Variants in ETNK2 observed in about 807,000 individuals in gnomAD.
ETNK2 encodes ethanolamine kinase 2, also known as ethanolamine kinase-like protein.
In ETNK2, 33 loss-of-function variants were observed where a neutral mutation model predicts 46.2. The ratio of observed to expected loss-of-function variants is 0.71; its 90% CI spans 0.54 to 0.96. ETNK2 has a LOEUF of 0.96. Ranked by LOEUF, ETNK2 falls within the 40% of genes least tolerant of loss-of-function variation. The probability of loss-of-function intolerance (pLI) is 0.00; values close to 1 mark genes in which losing one functional copy is unlikely to be tolerated. For missense variants in ETNK2, 445 were observed against 509.7 expected (o/e 0.87, Z 1.22); for synonymous variants, 194 against 209.0 (o/e 0.93, Z 0.62).
intron 2 of ETNK2, chr1:204,147,566 C>T (rs143631319): frequency 1.3e-5 from 7 of 532,570 alleles, no homozygotes; most frequent in African/African-American, 3.8e-5. Flanking sequence ...GTCCCACCCC[C>T]CAACCGTCTG....
chr1:204,135,676 A>T (rs6679960), intron 6 of ETNK2, among the ~76,000 whole-genome samples: 22,752 of 152,242 alleles, frequency 0.15, 2,045 homozygotes, highest in African/African-American at 0.25. Context: ...TCACTAAAAA[A>T]CTTAGCAAGA....
intron 6 of ETNK2, 123 bp downstream of exon 6, chr1:204,136,981 C>G: frequency 7.4e-7 from 1 of 1,352,616 alleles, no homozygotes; most frequent in Non-Finnish European, 1.0e-6. Context: ...GGGTCAGGAG[C>G]CAGGGATGGG....
At chr1:204,132,376 A>AC (rs1657109945) in intron 7 of ETNK2, 120 bp from the exon 8 acceptor site, 1 of 715,946 alleles carries the variant, frequency 1.4e-6, no homozygotes, top group East Asian at 2.7e-5. Context: ...GTCTGAGCAG[A>AC]TCAACCCCAA....
Position 204,147,257 on chromosome 1 carries a change from A to T in ETNK2, c.519-493T>A, listed in dbSNP as rs140015318. ...ATGCCCGCCTCTTATCAGCCTGGCCAAGGTGGGGAGGGAAACAGGCTGGCC... is the reference window on the plus strand; with the variant it reads ...ATGCCCGCCTCTTATCAGCCTGGCCTAGGTGGGGAGGGAAACAGGCTGGCC... On this transcript the variant is annotated intron_variant, in intron 2 of 7. Coordinates refer to ENST00000367202, the MANE Select transcript of ETNK2 (RefSeq NM_018208.4). 6.4e-3 allele frequency among the ~76,000 whole-genome samples: 979 copies of T among 152,314 alleles called. 8 individuals are homozygous for T. Among genetic ancestry groups the T allele is most frequent in the African/African-American group, 0.022 (933 of 41,556 alleles).
Position 204,132,203 on chromosome 1 carries a change from G to A in ETNK2, c.1142C>T (p.Ala381Val), listed in dbSNP as rs762943597. 8.0e-5 allele frequency: 126 copies of A among 1,573,492 alleles called. No individual in the cohort carries two copies. In the East Asian group the frequency reaches 2.8e-3, roughly 35 times the overall value. The change falls in exon 8 of 8, where the codon GCC (alanine) becomes GTC (valine). Residue 381 changes from alanine to valine, a missense_variant. Physicochemically the swap from Ala to Val is moderately conservative, Grantham distance 64. Transcript: ENST00000367202. ...QYFKVKPQAS[A>V]LEMPK ...GGCTGGTCACTTTGGCATCTCCAAG[G>A]CTGACGCTTGAGGCTTCACCTTGAA...
chr1:204,149,647 T>C (rs916291525), intron 2 of ETNK2, 56 bp downstream of exon 2: 23 of 1,512,860 alleles, frequency 1.5e-5, no homozygotes, highest in Admixed American at 6.2e-5. Flanking sequence ...TGCCAAGGAT[T>C]TCCAAGCCCA....
chr1:204,148,569 G>GACACACACAC (rs61199759), intron 2 of ETNK2, among the ~76,000 whole-genome samples: 10 of 145,222 alleles, frequency 6.9e-5, no homozygotes, highest in Admixed American at 2.1e-4. Flanking sequence ...ACACCCTCAA[G>GACACACACAC]ACACACACAC....
At chr1:204,149,584 A>G (rs1657923643) in intron 2 of ETNK2, 119 bp downstream of exon 2, 2 of 1,279,384 alleles carry the variant, frequency 1.6e-6, no homozygotes, top group Non-Finnish European at 2.1e-6. Context: ...TGCATTTTTC[A>G]TGCAATTTCA....
Position 204,151,479 on chromosome 1 carries a change from C to G in ETNK2, c.258+116G>C, listed in dbSNP as rs1180290364. ...CAAACCACGTTCCAAACCTTTCTTG[C>G]GCAGCAGCCGCGCACCCCTGGGACT... is the stretch of plus-strand genomic sequence containing the variant. On this transcript the variant is annotated intron_variant, in intron 1 of 7. Coordinates refer to ENST00000367202, the MANE Select transcript of ETNK2 (RefSeq NM_018208.4). The surrounding 1 kb of genome is among the most constrained non-coding windows in gnomAD (Gnocchi z 8.0). The G allele has an allele frequency of 4.3e-6, 6 of 1,411,330 alleles. No individual in the cohort carries two copies. The African/African-American group carries it at 7.4e-5, about 17-fold the overall frequency. The allele number at this position is 1,411,330 out of a possible 1,614,324, so 87.4% of individuals were successfully genotyped here.
chr1:204,151,796 G>T lies in ETNK2; in HGVS notation c.57C>A (p.His19Gln). 6.7e-7 allele frequency: 1 copy of T among 1,500,106 alleles called. No individual in the cohort carries two copies. Among genetic ancestry groups the T allele is most frequent in the Admixed American group, 2.4e-5 (1 of 41,460 alleles). 92.9% of individuals were successfully genotyped at this position (1,500,106 alleles called of 1,614,324 possible). ...CCCATGAGCACTGCGGGCAAGGCGT[G>T]TGCCTCCTCAGGTGAAAGGACGCGC... ...QPRASFHLRR[H>Q]TPCPQCSWGM... Residue 19 changes from histidine (H) to glutamine (Q), a missense_variant, in exon 1 of 8, where the codon CAC becomes CAA. His to Gln is a conservative substitution (Grantham distance 24). Coordinates refer to ENST00000367202, the MANE Select transcript of ETNK2 (RefSeq NM_018208.4). The surrounding 1 kb of genome is among the most constrained non-coding windows in gnomAD (Gnocchi z 8.0).
intron 3 of ETNK2, chr1:204,142,943 CT>C: frequency 6.6e-6 from 1 of 152,260 alleles, no homozygotes; most frequent in South Asian, 2.1e-4. Flanking sequence ...ACCTCTTGCA[CT>C]GCTGGATCCT....
intron 3 of ETNK2, among the ~76,000 whole-genome samples, chr1:204,144,353 A>AAAAAAAAAAAAAAC (rs1657693035): frequency 6.8e-6 from 1 of 147,920 alleles, no homozygotes; most frequent in Non-Finnish European, 1.5e-5. Flanking sequence ...CTCAAAAAAA[A>AAAAAAAAAAAAAAC]AAAAAAAAAA....
chr1:204,144,712 AC>A (rs1194988551), intron 3 of ETNK2, among the ~76,000 whole-genome samples: 2 of 151,660 alleles, frequency 1.3e-5, no homozygotes, highest in African/African-American at 4.8e-5. Context: ...TCTGTAGTCC[AC>A]CCCCGCCCCC....
At chr1:204,144,453 G>A (rs1282676832) in intron 3 of ETNK2, among the ~76,000 whole-genome samples, 3 of 150,624 alleles carry the variant, frequency 2.0e-5, no homozygotes, top group Non-Finnish European at 4.4e-5. Context: ...CTCAAAGTTT[G>A]GGAATCCTAG....
intron 2 of ETNK2, 25 bp from the exon 3 acceptor site, chr1:204,146,789 G>A: frequency 6.2e-7 from 1 of 1,613,748 alleles, no homozygotes; most frequent in Non-Finnish European, 8.5e-7. Context: ...AGGAAGAGTA[G>A]AGCATCAGTG....
chr1:204,141,972 C>T (rs1389078645), intron 3 of ETNK2: 2 of 159,602 alleles, frequency 1.3e-5, no homozygotes, highest in Non-Finnish European at 2.8e-5. Flanking sequence ...AGAGTAGTGC[C>T]CTGGCAGGGA....
chr1:204,148,115 C>A (rs115895586), intron 2 of ETNK2, among the ~76,000 whole-genome samples: 3,306 of 152,166 alleles, frequency 0.022, 55 homozygotes, highest in Middle Eastern at 0.045. Flanking sequence ...TTCAAGGGAA[C>A]ATGTAGAGGG....
In ETNK2 at chr1:204,151,691, G is replaced by A. The variant is rs1485338667; in HGVS notation, c.162C>T (p.Phe54=). Residue 54 remains phenylalanine (F), a synonymous_variant, in exon 1 of 8, where the codon TTC becomes TTT. Coordinates refer to ENST00000367202, the MANE Select transcript of ETNK2 (RefSeq NM_018208.4). The surrounding 1 kb of genome is among the most constrained non-coding windows in gnomAD (Gnocchi z 8.0). Reference sequence around the variant, plus strand: ...TGTCGTCCGGGTCCACGGAAATGCCGAAGTACGCGACGGCGGCGGCCCTCG... The same window carrying A: ...TGTCGTCCGGGTCCACGGAAATGCCAAAGTACGCGACGGCGGCGGCCCTCG... ...GPPRAAAVAY[F]GISVDPDDIL... is the part of the protein sequence containing the mutation. The A allele has an allele frequency of 6.5e-7, 1 of 1,545,882 alleles. No homozygotes were observed. The highest frequency in any genetic ancestry group is 2.5e-5 in the East Asian group (1 of 40,670).
intron 7 of ETNK2, among the ~76,000 whole-genome samples, chr1:204,133,601 G>A (rs1451710732): frequency 1.3e-5 from 2 of 149,884 alleles, no homozygotes; most frequent in African/African-American, 2.5e-5. Context: ...GCGGGATCTC[G>A]GCTCACTGCA....
Sources: gnomAD v4.1 joint callset for allele counts (sites outside exome capture counted in the v4.1 genomes callset) on GRCh38, gnomAD v4.1.1 for gene constraint, Gnocchi (gnomAD v3.1) non-coding constraint, MANE v1.5 for transcripts, NCBI Gene and HGNC (gene_info 2026-07-23, HGNC 2026-07-21) for gene names.